The following ZNF512 variants were observed in gnomAD, a reference collection of about 807,000 sequenced individuals.
ZNF512 encodes the protein zinc finger protein 512.
In ZNF512, 25 loss-of-function variants were observed where a neutral mutation model predicts 77.5. That is an observed-to-expected ratio of 0.32 (90% CI 0.23 to 0.45). The LOEUF is 0.45. Ranked by LOEUF, ZNF512 falls within the 20% of genes least tolerant of loss-of-function variation. ZNF512 has a pLI of 1.00. For missense variants in ZNF512, 483 were observed against 692.6 expected (o/e 0.70, Z 3.40); for synonymous variants, 246 against 239.9 (o/e 1.03, Z -0.24).
At chr2:27,618,099 C>A (rs1672967882) in intron 13 of ZNF512, among the ~76,000 whole-genome samples, 1 of 151,852 alleles carries the variant, frequency 6.6e-6, no homozygotes, top group Admixed American at 6.6e-5. Context: ...TTTGTATTTT[C>A]AGTAGAGATG....
At chr2:27,614,557 AGTCCC>A (rs1558476594) in intron 10 of ZNF512, among the ~76,000 whole-genome samples, 1 of 152,152 alleles carries the variant, frequency 6.6e-6, no homozygotes, top group Admixed American at 6.5e-5. Flanking sequence ...CCAGAGATGT[AGTCCC>A]AGCTACTCAG....
Position 27,600,044 on chromosome 2 carries a change from T to A in ZNF512, c.448T>A (p.Tyr150Asn), listed in dbSNP as rs1379569277. 6.2e-7 allele frequency: 1 copy of A among 1,614,054 alleles called. No individual in the cohort carries two copies. The highest frequency in any genetic ancestry group is 8.5e-7 in the Non-Finnish European group (1 of 1,180,036). ...ARRIRKEPPVYAAGSLEEQWY... is the reference protein window; with the variant it reads ...ARRIRKEPPVNAAGSLEEQWY... ...TCGTATTCGGAAGGAACCACCAGTT[T>A]ATGCAGCAGGTATGTTTTCTTTTGG... is the stretch of plus-strand genomic sequence containing the variant. Residue 150 changes from tyrosine to asparagine, a missense_variant, in exon 5 of 14, where the codon TAT becomes AAT. Tyr to Asn is a moderately radical substitution (Grantham distance 143). Around this residue, in one of 2 missense-constraint regions of ZNF512, gnomAD observed 324 missense variants for 525.0 expected, o/e 0.62. Coordinates refer to ENST00000355467, the MANE Select transcript of ZNF512 (RefSeq NM_032434.4).
chr2:27,597,959 G>C, intron 2 of ZNF512, 108 bp from the exon 3 acceptor site: 1 of 751,042 alleles, frequency 1.3e-6, no homozygotes, highest in South Asian at 2.6e-5. Flanking sequence ...TTTATAGCAG[G>C]CTTCTTAGTT....
intron 13 of ZNF512, among the ~76,000 whole-genome samples, chr2:27,620,854 A>G (rs1186183364): frequency 6.6e-6 from 1 of 152,178 alleles, no homozygotes; most frequent in Non-Finnish European, 1.5e-5. Flanking sequence ...AGTGTGTTAC[A>G]TCTCATGATG....
At chr2:27,607,294 A>G (rs1254224575) in intron 9 of ZNF512, among the ~76,000 whole-genome samples, 1 of 151,076 alleles carries the variant, frequency 6.6e-6, no homozygotes, top group South Asian at 2.1e-4. Context: ...TTTTGAGTTA[A>G]TTTTTATATA....
At chr2:27,605,359 C>T (rs951226771) in intron 9 of ZNF512, among the ~76,000 whole-genome samples, 6 of 151,734 alleles carry the variant, frequency 4.0e-5, no homozygotes, top group African/African-American at 7.2e-5. Flanking sequence ...GAGGTTGAGG[C>T]GGGAGGATGG....
chr2:27,620,120 A>C (rs542466350), intron 13 of ZNF512, among the ~76,000 whole-genome samples: 2 of 152,334 alleles, frequency 1.3e-5, no homozygotes, highest in South Asian at 4.1e-4. Flanking sequence ...AAGTATTTTA[A>C]AAGATGAAAT....
At chr2:27,597,760 T>C (rs918708815) in intron 2 of ZNF512, among the ~76,000 whole-genome samples, 3 of 152,200 alleles carry the variant, frequency 2.0e-5, no homozygotes, top group Non-Finnish European at 4.4e-5. Flanking sequence ...TGAAGGGTCA[T>C]AGAACACCTT....
intron 10 of ZNF512, among the ~76,000 whole-genome samples, chr2:27,614,084 A>T (rs958605623): frequency 6.6e-6 from 1 of 152,158 alleles, no homozygotes; most frequent in Non-Finnish European, 1.5e-5. Flanking sequence ...TTATAGATTT[A>T]CCAGAGGTTC....
chr2:27,607,559 G>C (rs547124555), intron 9 of ZNF512, among the ~76,000 whole-genome samples: 1 of 152,110 alleles, frequency 6.6e-6, no homozygotes, highest in South Asian at 2.1e-4. Flanking sequence ...GTAGAGACAG[G>C]GTTTCACCAT....
chr2:27,583,310 G>T, intron 1 of ZNF512, 168 bp downstream of exon 1: 1 of 1,278,848 alleles, frequency 7.8e-7, no homozygotes. Flanking sequence ...ACGTTCTGCT[G>T]CCTGTTCCCC....
chr2:27,603,109 A>T, intron 8 of ZNF512, 31 bp from the exon 9 acceptor site: 1 of 1,610,294 alleles, frequency 6.2e-7, no homozygotes, highest in Non-Finnish European at 8.5e-7. Flanking sequence ...AAGATGTAAG[A>T]TTATAGTTTA....
In ZNF512 at chr2:27,583,107, G is replaced by A. The variant is rs1308990139; in HGVS notation, c.-6G>A. 1 of 1,614,040 alleles carries A rather than the reference G, an allele frequency of 6.2e-7. No individual in the cohort carries two copies. Among genetic ancestry groups the A allele is most frequent in the East Asian group, 2.2e-5 (1 of 44,898 alleles). Reference sequence around the variant, plus strand: ...GGGTGAAATTGTTAGGCGTGGAGAGGGAGTGATGTCTTCCAGACTCGGTGC... The same window carrying A: ...GGGTGAAATTGTTAGGCGTGGAGAGAGAGTGATGTCTTCCAGACTCGGTGC... On this transcript the variant is annotated 5_prime_UTR_variant, in exon 1 of 14. Coordinates refer to ENST00000355467, the MANE Select transcript of ZNF512 (RefSeq NM_032434.4).
rs898434794 is a variant in ZNF512, at chr2:27,583,059, G to A, written c.-54G>A. 3.1e-6 allele frequency: 5 copies of A among 1,610,120 alleles called. No homozygotes were observed. The highest frequency in any genetic ancestry group is 4.3e-6 in the Non-Finnish European group (5 of 1,176,354). Reference sequence around the variant, plus strand: ...CATCCGGGAGAGGAGAGCGGAAGTGGCGTTGGTCTGGCCGGAGCCCTTGGG... The same window carrying A: ...CATCCGGGAGAGGAGAGCGGAAGTGACGTTGGTCTGGCCGGAGCCCTTGGG... On this transcript the variant is annotated 5_prime_UTR_variant, in exon 1 of 14. Coordinates refer to ENST00000355467, the MANE Select transcript of ZNF512 (RefSeq NM_032434.4).
At chr2:27,593,195 T>TACACACACACAC (rs57568574) in intron 2 of ZNF512, among the ~76,000 whole-genome samples, 25 of 112,140 alleles carry the variant, frequency 2.2e-4, no homozygotes, top group East Asian at 1.4e-3. Context: ...ACCCTGTCTC[T>TACACACACACAC]ACACACACAC....
Position 27,601,292 on chromosome 2 carries a change from G to A in ZNF512, c.583-64G>A, listed in dbSNP as rs564738224. ...AGACATAGATGAAAGCATTTGAGTC[G>A]GACTTCATGACATTCTGTTTCTCTG... is the stretch of plus-strand genomic sequence containing the variant. On this transcript the variant is annotated intron_variant, in intron 6 of 13. Transcript: ENST00000355467. The A allele has an allele frequency of 7.5e-6, 9 of 1,197,816 alleles. No homozygotes were observed. The African/African-American group carries it at 7.7e-5, about 10-fold the overall frequency. The allele number at this position is 1,197,816 out of a possible 1,614,324, so 74.2% of individuals were successfully genotyped here.
At position 27,599,985 on chromosome 2, in the gene ZNF512, C is replaced by T. The variant is rs1672043190; in HGVS notation, c.389C>T (p.Pro130Leu). 2 of 1,614,056 alleles carry T rather than the reference C, an allele frequency of 1.2e-6. No homozygotes were observed. Among genetic ancestry groups the T allele is most frequent in the East Asian group, 2.2e-5 (1 of 44,900 alleles). ...KHKLYGRKQR[P>L]KTQPNPKSQA... is the part of the protein sequence containing the mutation. ...CTTATGTCAGGGAGGAAGCAACGGC[C>T]TAAAACTCAGCCCAATCCCAAATCC... The change falls in exon 5 of 14, where the codon CCT (proline) becomes CTT (leucine). Residue 130 changes from proline (P) to leucine (L), a missense_variant. Around this residue, in one of 2 missense-constraint regions of ZNF512, gnomAD observed 159 missense variants for 167.5 expected, o/e 0.95. Transcript: ENST00000355467.
intron 2 of ZNF512, among the ~76,000 whole-genome samples, chr2:27,592,038 G>A (rs1428055090): frequency 6.6e-6 from 1 of 152,184 alleles, no homozygotes; most frequent in Non-Finnish European, 1.5e-5. Flanking sequence ...TGCCCAGGCT[G>A]GAATGCAGTG....
intron 2 of ZNF512, among the ~76,000 whole-genome samples, chr2:27,596,714 C>T (rs148129579): frequency 2.6e-5 from 4 of 152,328 alleles, no homozygotes; most frequent in African/African-American, 9.6e-5. Flanking sequence ...CCCTCCAGAG[C>T]CAGGACTTCT....
Sources: gnomAD v4.1 joint callset for allele counts (sites outside exome capture counted in the v4.1 genomes callset) on GRCh38, gnomAD v4.1.1 for gene constraint, gnomAD v4.1.1 regional missense constraint, MANE v1.5 for transcripts, NCBI Gene and HGNC (gene_info 2026-07-23, HGNC 2026-07-21) for gene names.